The following LTBP2 variants were observed in gnomAD, a reference collection of about 807,000 sequenced individuals.
LTBP2 encodes the protein latent transforming growth factor beta binding protein 2.
A neutral mutation model predicts 210.6 loss-of-function variants in LTBP2; 103 were observed. That is an observed-to-expected ratio of 0.49 (90% CI 0.42 to 0.58). The LOEUF (loss-of-function observed/expected upper bound fraction) is 0.58, where lower values mean the gene tolerates loss of function less well. Among genes scored for constraint, LTBP2 ranks in the 20% least tolerant of loss-of-function variants. The pLI is 0.00. For synonymous variants in LTBP2, 1,007 were observed against 1,015.0 expected, an observed-to-expected ratio of 0.99 and a Z score of 0.15; for missense variants, 2,313 against 2,494.5, an observed-to-expected ratio of 0.93 and a Z score of 1.55.
At chr14:74,606,251 T>G (rs61980923) in intron 1 of LTBP2, among the ~76,000 whole-genome samples, 11,489 of 152,184 alleles carry the variant, frequency 0.075, 694 homozygotes, top group African/African-American at 0.15. Flanking sequence ...ACTAGCCCTT[T>G]GTTAAAAACC....
intron 2 of LTBP2, among the ~76,000 whole-genome samples, chr14:74,595,708 C>T (rs972632421): frequency 4.6e-5 from 7 of 152,214 alleles, no homozygotes; most frequent in African/African-American, 7.2e-5. Context: ...GCCCTGCAGT[C>T]GGAGACCCAT....
intron 2 of LTBP2, among the ~76,000 whole-genome samples, chr14:74,594,877 C>A (rs1351348670): frequency 6.6e-6 from 1 of 152,168 alleles, no homozygotes; most frequent in African/African-American, 2.4e-5. Context: ...GGCTGTGTCT[C>A]CCAGGCCCTG....
intron 1 of LTBP2, among the ~76,000 whole-genome samples, chr14:74,605,670 G>A (rs1456699837): frequency 6.6e-6 from 1 of 152,194 alleles, no homozygotes; most frequent in African/African-American, 2.4e-5. Flanking sequence ...ACGGACGCAG[G>A]AGCCTGCCTG....
chr14:74,509,844 G>A lies in LTBP2; in HGVS notation c.3167C>T (p.Ala1056Val). Residue 1056 changes from alanine to valine, a missense_variant, in exon 21 of 36, where the codon GCC (alanine) becomes GTC (valine). By Grantham distance (64) the Ala-to-Val change is moderately conservative. Coordinates refer to ENST00000261978, the MANE Select transcript of LTBP2 (RefSeq NM_000428.3). ...GCCTGTGGGGCATGAGGCCCGGCTG[G>A]CACACTCATCCACATCTGAAATAGG... is the stretch of plus-strand genomic sequence containing the variant. ...EKGCQDVDECASRASCPTGLC... is the reference protein window; with the variant it reads ...EKGCQDVDECVSRASCPTGLC... The A allele has an allele frequency of 6.2e-7, 1 of 1,614,030 alleles. No homozygotes were observed. The highest frequency in any genetic ancestry group is 1.3e-5 in the African/African-American group (1 of 75,048).
chr14:74,572,447 C>T (rs368204996), intron 3 of LTBP2, among the ~76,000 whole-genome samples: 3 of 143,922 alleles, frequency 2.1e-5, no homozygotes, highest in South Asian at 2.2e-4. Flanking sequence ...GAATGCCTCC[C>T]TTTTTTTTTT....
chr14:74,516,678 G>T, intron 18 of LTBP2, 144 bp downstream of exon 18: 2 of 1,103,184 alleles, frequency 1.8e-6, no homozygotes, highest in Non-Finnish European at 1.3e-6. Context: ...AATTCTCATA[G>T]GTGTCTCTGT....
intron 15 of LTBP2, 137 bp from the exon 16 acceptor site, chr14:74,523,055 C>T: frequency 9.5e-7 from 1 of 1,050,058 alleles, no homozygotes; most frequent in Non-Finnish European, 1.4e-6. Flanking sequence ...CCCTCCCATA[C>T]CCATGCACAG....
intron 3 of LTBP2, among the ~76,000 whole-genome samples, chr14:74,581,321 A>G (rs886514558): frequency 1.3e-5 from 2 of 152,172 alleles, no homozygotes; most frequent in African/African-American, 2.4e-5. Context: ...AGGGTTACCG[A>G]TGGAGTTAAG....
intron 3 of LTBP2, among the ~76,000 whole-genome samples, chr14:74,579,968 T>A (rs2088115670): frequency 6.6e-6 from 1 of 152,210 alleles, no homozygotes; most frequent in Non-Finnish European, 1.5e-5. Context: ...AATGCTACAA[T>A]GGGCTGAGTC....
Position 74,549,929 on chromosome 14 carries a change from C to T in LTBP2, c.1723G>A (p.Asp575Asn). 1 of 1,614,130 alleles carries T rather than the reference C, an allele frequency of 6.2e-7. No individual in the cohort carries two copies. Among genetic ancestry groups the T allele is most frequent in the Non-Finnish European group, 8.5e-7 (1 of 1,179,986 alleles). Reference protein sequence around the residue: ...NPLLELTTQEDCCGSVGAFWG... With the variant: ...NPLLELTTQENCCGSVGAFWG... The stretch of plus-strand genomic sequence containing the variant: ...AAGGCTCCCACACTGCCACAGCAGT[C>T]CTCCTGGGTAGTCAGCTCCAGCAGA... The change falls in exon 8 of 36, where the codon GAC becomes AAC. Residue 575 changes from aspartate to asparagine, a missense_variant. This residue lies in a region of LTBP2 where 1,867 missense variants were observed against 1,976.9 expected (regional missense o/e 0.94). Coordinates refer to ENST00000261978, the MANE Select transcript of LTBP2 (RefSeq NM_000428.3).
At position 74,503,475 on chromosome 14, in the gene LTBP2, T is replaced by G; in HGVS notation, c.4714A>C (p.Ser1572Arg). ...SQQRCMNSTS[S>R]TEDLPDHDIH... Reference sequence around the variant, plus strand: ...CACGCTCAGGCCCACTCACCCGTGCTGCTGGTGCTGTTCATGCAGCGCTGC... The same window carrying G: ...CACGCTCAGGCCCACTCACCCGTGCGGCTGGTGCTGTTCATGCAGCGCTGC... The change falls in exon 32 of 36, where the codon AGC (serine) becomes CGC (arginine). Residue 1572 changes from serine (S) to arginine (R), a missense_variant. By Grantham distance (110) the Ser-to-Arg change is moderately radical. This residue lies in a region of LTBP2 where 443 missense variants were observed against 501.4 expected (regional missense o/e 0.88). Transcript: ENST00000261978. 1 of 1,611,632 alleles carries G rather than the reference T, an allele frequency of 6.2e-7. No homozygotes were observed. Among genetic ancestry groups the G allele is most frequent in the Non-Finnish European group, 8.5e-7 (1 of 1,179,562 alleles).
At chr14:74,602,964 A>G (rs189363680) in intron 2 of LTBP2, among the ~76,000 whole-genome samples, 23 of 152,302 alleles carry the variant, frequency 1.5e-4, no homozygotes, top group African/African-American at 5.1e-4. Flanking sequence ...TGGGATGCGG[A>G]GGCTCTGGGC....
intron 8 of LTBP2, among the ~76,000 whole-genome samples, chr14:74,544,952 C>T (rs1034748446): frequency 4.6e-5 from 7 of 152,178 alleles, no homozygotes; most frequent in African/African-American, 1.7e-4. Context: ...AAAGCCTACA[C>T]CCTTCTCCCT....
intron 3 of LTBP2, among the ~76,000 whole-genome samples, chr14:74,562,219 A>G (rs1171906015): frequency 2.0e-5 from 3 of 152,050 alleles, no homozygotes; most frequent in Non-Finnish European, 4.4e-5. Context: ...TCAGAAAAAA[A>G]AAAAGAAAAG....
chr14:74,523,270 C>T (rs1282931050), intron 15 of LTBP2, among the ~76,000 whole-genome samples: 2 of 152,152 alleles, frequency 1.3e-5, no homozygotes, highest in African/African-American at 4.8e-5. Flanking sequence ...TCCCTCCCTG[C>T]AACTCCTGCC....
chr14:74,500,673 C>A lies in LTBP2; in HGVS notation c.*211G>T. 1 of 642,602 alleles carries A rather than the reference C, an allele frequency of 1.6e-6. No individual in the cohort carries two copies. 39.8% of individuals were successfully genotyped at this position (642,602 alleles called of 1,614,324 possible). A position where few individuals can be genotyped will look rare whatever the true frequency, so the allele number is the denominator to read the frequency against. ...TCATGCGGTGGCTGAAGCATTAAAG[C>A]GATTGGTGGTGCTTGAGCCAAGCAA... On this transcript the variant is annotated 3_prime_UTR_variant, in exon 36 of 36. Transcript: ENST00000261978.
Position 74,551,343 on chromosome 14 carries a change from C to T in LTBP2, c.1407G>A (p.Val469=). 4 of 1,570,808 alleles carry T rather than the reference C, an allele frequency of 2.5e-6. No individual in the cohort carries two copies. Among genetic ancestry groups the T allele is most frequent in the Non-Finnish European group, 3.5e-6 (4 of 1,156,610 alleles). Residue 469 remains valine, a synonymous_variant, in exon 7 of 36, where the codon GTG becomes GTA. Coordinates refer to ENST00000261978, the MANE Select transcript of LTBP2 (RefSeq NM_000428.3). The stretch of plus-strand genomic sequence containing the variant: ...TGTGCACCTTCACCAGGGAGGGGTT[C>T]ACGGAGGCTGGGCACAGGGGCTAGA... ...TLPLSNQLAS[V]NPSLVKVHIH...
At chr14:74,527,313 C>T in intron 13 of LTBP2, 34 bp downstream of exon 13, 3 of 1,608,150 alleles carry the variant, frequency 1.9e-6, no homozygotes, top group Non-Finnish European at 1.7e-6. Context: ...CTCTGCCATG[C>T]TTGCCCGGCC....
Position 74,508,032 on chromosome 14 carries a change from G to A in LTBP2, c.3716C>T (p.Ser1239Phe), listed in dbSNP as rs558468335. ...VGGHCVNTEG[S>F]FNCLCETGFQ... ...GCCAGTCTCACATAGACAGTTGAAG[G>A]AGCCCTCGGTGTTGACACAGTGCCC... The change falls in exon 25 of 36, where the codon TCC (serine) becomes TTC (phenylalanine). Residue 1239 changes from serine (S) to phenylalanine (F), a missense_variant. Physicochemically the swap from Ser to Phe is radical, Grantham distance 155. This residue lies in a region of LTBP2 where 1,867 missense variants were observed against 1,976.9 expected (regional missense o/e 0.94). Coordinates refer to ENST00000261978, the MANE Select transcript of LTBP2 (RefSeq NM_000428.3). The A allele has an allele frequency of 1.5e-5, 25 of 1,614,000 alleles. No individual in the cohort carries two copies. The South Asian group carries it at 2.5e-4, about 16-fold the overall frequency.
Sources: gnomAD v4.1 joint callset for allele counts (sites outside exome capture counted in the v4.1 genomes callset) on GRCh38, gnomAD v4.1.1 for gene constraint, gnomAD v4.1.1 regional missense constraint, MANE v1.5 for transcripts, NCBI Gene and HGNC (gene_info 2026-07-23, HGNC 2026-07-21) for gene names.